Variants in ZNF502 observed in about 807,000 individuals in gnomAD.
ZNF502 encodes the protein zinc finger protein 502.
Under a neutral mutation model 43.6 loss-of-function variants are expected in ZNF502, and 29 were observed. The observed-to-expected ratio is 0.67, with a 90% CI of 0.50 to 0.91. The LOEUF (loss-of-function observed/expected upper bound fraction) is 0.91, where lower values mean the gene tolerates loss of function less well. Ranked by LOEUF, ZNF502 falls within the 40% of genes least tolerant of loss-of-function variation. The probability of loss-of-function intolerance (pLI) is 0.00; values close to 1 mark genes in which losing one functional copy is unlikely to be tolerated. For synonymous variants in ZNF502, 171 were observed against 207.4 expected (o/e 0.82, Z 1.51); for missense variants, 591 against 647.2 (o/e 0.91, Z 0.94).
At chr3:44,718,830 C>A (rs1015046112) in intron 1 of ZNF502, among the ~76,000 whole-genome samples, 7 of 152,102 alleles carry the variant, frequency 4.6e-5, no homozygotes, top group Non-Finnish European at 8.8e-5. Flanking sequence ...CTTTTTCCAG[C>A]GTCTAGCACT....
rs1704312063 is a variant in ZNF502, at chr3:44,721,131, A to G, written c.314A>G (p.Glu105Gly). 1 of 1,614,202 alleles carries G rather than the reference A, an allele frequency of 6.2e-7. No homozygotes were observed. Among genetic ancestry groups the G allele is most frequent in the South Asian group, 1.1e-5 (1 of 91,086 alleles). Residue 105 changes from glutamate (E) to glycine (G), a missense_variant, in exon 3 of 3, where the codon GAG (glutamate) becomes GGG (glycine). Glu to Gly is a moderately conservative substitution (Grantham distance 98). Coordinates refer to ENST00000436624, the MANE Select transcript of ZNF502 (RefSeq NM_001134442.3). ...ATTATTAGTCAAGGATATAATTTTG[A>G]GAAAAGCTTGCTTTTGACCTCAAGC... The part of the protein sequence containing the change: ...PEIISQGYNF[E>G]KSLLLTSSLV...
Position 44,720,194 on chromosome 3 carries a change from C to T in ZNF502, c.-59-9C>T, listed in dbSNP as rs374708733. ...CCTCCCTCCCTGCACCTTTTCTCCC[C>T]ATGAGCAGGGTTCCCAGTTTTCCAG... On this transcript the variant is annotated splice_polypyrimidine_tract_variant and intron_variant, in intron 1 of 2. Transcript: ENST00000436624. 1 of 1,562,938 alleles carries T rather than the reference C, an allele frequency of 6.4e-7. No homozygotes were observed. Among genetic ancestry groups the T allele is most frequent in the East Asian group, 2.2e-5 (1 of 44,564 alleles).
At chr3:44,713,292 T>C (rs143767189) in intron 1 of ZNF502, among the ~76,000 whole-genome samples, 2,154 of 152,312 alleles carry the variant, frequency 0.014, 24 homozygotes, top group Admixed American at 0.023. Context: ...TGATAGCATG[T>C]ATGCAAACCT....
At chr3:44,718,975 CTTT>C (rs55847151) in intron 1 of ZNF502, among the ~76,000 whole-genome samples, 23 of 136,910 alleles carry the variant, frequency 1.7e-4, no homozygotes, top group Admixed American at 2.9e-4. Flanking sequence ...GGATCATCTT[CTTT>C]TTTTTTTTTT....
intron 1 of ZNF502, among the ~76,000 whole-genome samples, chr3:44,713,266 G>T (rs940917886): frequency 6.6e-6 from 1 of 152,198 alleles, no homozygotes; most frequent in Non-Finnish European, 1.5e-5. Context: ...ACAAAGCTCA[G>T]TTGACAGCTT....
chr3:44,721,612 A>G lies in ZNF502; in HGVS notation c.795A>G (p.Lys265=). 1 of 1,614,084 alleles carries G rather than the reference A, an allele frequency of 6.2e-7. No homozygotes were observed. Among genetic ancestry groups the G allele is most frequent in the Non-Finnish European group, 8.5e-7 (1 of 1,179,996 alleles). Residue 265 remains lysine, a synonymous_variant, in exon 3 of 3, where the codon AAA becomes AAG. Transcript: ENST00000436624. The part of the protein sequence containing the change: ...TEHQRIHTGE[K]PYKCNRCGKA... ...ACCAGAGAATTCACACTGGAGAGAA[A>G]CCTTATAAATGCAATAGGTGTGGGA...
rs1362062443 is a variant in ZNF502 at position 44,722,285 on chromosome 3, C to T, written c.1468C>T (p.Leu490Phe). ...EHHRTHTGEKLYKCSECEKTF... is the reference protein window; with the variant it reads ...EHHRTHTGEKFYKCSECEKTF... Reference sequence around the variant, plus strand: ...TCATAGAACTCACACTGGTGAGAAGCTCTATAAATGTAGTGAGTGTGAGAA... The same window carrying T: ...TCATAGAACTCACACTGGTGAGAAGTTCTATAAATGTAGTGAGTGTGAGAA... The change falls in exon 3 of 3, where the codon CTC (leucine) becomes TTC (phenylalanine). Residue 490 changes from leucine to phenylalanine, a missense_variant. Coordinates refer to ENST00000436624, the MANE Select transcript of ZNF502 (RefSeq NM_001134442.3). The T allele has an allele frequency of 6.2e-7, 1 of 1,614,206 alleles. No homozygotes were observed. The highest frequency in any genetic ancestry group is 1.1e-5 in the South Asian group (1 of 91,088).
rs80107322 is a variant in ZNF502 at position 44,721,367 on chromosome 3, A to G, written c.550A>G (p.Thr184Ala). The G allele has an allele frequency of 0.011, 18,545 of 1,614,108 alleles. 332 individuals carry two copies. Among genetic ancestry groups the G allele is most frequent in the African/African-American group, 0.076 (5,673 of 75,034 alleles). ...AACTCATACTGGAGAGAGACCCTAC[A>G]CATGTGAGGAATGTGGGAAAGCCTT... Reference protein sequence around the residue: ...QRTHTGERPYTCEECGKAFSR... With the variant: ...QRTHTGERPYACEECGKAFSR... The change falls in exon 3 of 3, where the codon ACA (threonine) becomes GCA (alanine). Residue 184 changes from threonine (T) to alanine (A), a missense_variant. Thr to Ala is a moderately conservative substitution (Grantham distance 58). Transcript: ENST00000436624.
At chr3:44,714,806 A>G (rs1704102827) in intron 1 of ZNF502, 1 of 152,206 alleles carries the variant, frequency 6.6e-6, no homozygotes, top group African/African-American at 2.4e-5. Flanking sequence ...AGATTATCAG[A>G]GCTGGAATGA....
rs1435422297 is a variant in ZNF502 at position 44,721,241 on chromosome 3, CA to C, written c.427del (p.Ser143ValfsTer66). ...SNIQTNDISD[Q>X]SKCPTLCTQK... is the part of the protein sequence containing the mutation. ...TATACAAACCAATGATATTTCAGAC[CA>C]AAGTAAATGTCCAACTCTCTGCACA... On this transcript the variant is annotated frameshift_variant, in exon 3 of 3. Coordinates refer to ENST00000436624, the MANE Select transcript of ZNF502 (RefSeq NM_001134442.3). LOFTEE classifies it high-confidence loss of function. 6.2e-7 allele frequency: 1 copy of C among 1,614,030 alleles called. No homozygotes were observed. The highest frequency in any genetic ancestry group is 1.1e-5 in the South Asian group (1 of 91,070).
In ZNF502 at chr3:44,718,899, A is replaced by G. The variant is rs528466523; in HGVS notation, c.-59-1304A>G. ...AGTCTCTGAGTCTCTGTAGGATTGT[A>G]TAGTAGCTTACAGGTTCCTTTATGT... is the stretch of plus-strand genomic sequence containing the variant. On this transcript the variant is annotated intron_variant, in intron 1 of 2. Coordinates refer to ENST00000436624, the MANE Select transcript of ZNF502 (RefSeq NM_001134442.3). 6.6e-5 allele frequency among the ~76,000 whole-genome samples: 10 copies of G among 151,998 alleles called. No individual in the cohort carries two copies. In the South Asian group the frequency reaches 1.7e-3, roughly 25 times the overall value.
Position 44,721,974 on chromosome 3 carries a change from A to G in ZNF502, c.1157A>G (p.Lys386Arg). 1.2e-6 allele frequency: 2 copies of G among 1,614,206 alleles called. No homozygotes were observed. Among genetic ancestry groups the G allele is most frequent in the South Asian group, 1.1e-5 (1 of 91,080 alleles). The stretch of plus-strand genomic sequence containing the variant: ...CCATATAAGTGTAAAGAATGTGGCA[A>G]AGCGTTTACTCAGAGCACCCCACTC... The part of the protein sequence containing the change: ...EKPYKCKECG[K>R]AFTQSTPLTK... The change falls in exon 3 of 3, where the codon AAA (lysine) becomes AGA (arginine). Residue 386 changes from lysine to arginine, a missense_variant. Physicochemically the swap from Lys to Arg is conservative, Grantham distance 26 (BLOSUM62 2). Coordinates refer to ENST00000436624, the MANE Select transcript of ZNF502 (RefSeq NM_001134442.3).
At chr3:44,718,879 C>CT (rs1363182960) in intron 1 of ZNF502, among the ~76,000 whole-genome samples, 1 of 152,008 alleles carries the variant, frequency 6.6e-6, no homozygotes, top group Non-Finnish European at 1.5e-5. Flanking sequence ...GCATGAGTCT[C>CT]TGAGTCTCTG....
At position 44,721,830 on chromosome 3, in the gene ZNF502, T is replaced by G. The variant is rs757861966; in HGVS notation, c.1013T>G (p.Leu338Arg). The G allele has an allele frequency of 6.2e-7, 1 of 1,614,118 alleles. No individual in the cohort carries two copies. The highest frequency in any genetic ancestry group is 1.7e-5 in the Admixed American group (1 of 60,014). ...AAAACTTTCCAAACAAAGGCAAACC[T>G]CTCTCAGCATCAGAGAATTCATAGT... The part of the protein sequence containing the change: ...CGKTFQTKAN[L>R]SQHQRIHSGE... The change falls in exon 3 of 3, where the codon CTC becomes CGC. Residue 338 changes from leucine (L) to arginine (R), a missense_variant. By Grantham distance (102) the Leu-to-Arg change is moderately radical (BLOSUM62 -2). Coordinates refer to ENST00000436624, the MANE Select transcript of ZNF502 (RefSeq NM_001134442.3).
chr3:44,720,965 T>C lies in ZNF502; in HGVS notation c.148T>C (p.Tyr50His). 1 of 1,614,152 alleles carries C rather than the reference T, an allele frequency of 6.2e-7. No homozygotes were observed. The highest frequency in any genetic ancestry group is 1.1e-5 in the South Asian group (1 of 91,078). ...IVVKRFQEDE[Y>H]QDSTFEEKYA... ...AGTAAAGAGGTTCCAAGAGGATGAA[T>C]ACCAAGATTCTACATTTGAAGAAAA... The change falls in exon 3 of 3, where the codon TAC becomes CAC. Residue 50 changes from tyrosine (Y) to histidine (H), a missense_variant. Transcript: ENST00000436624.
At chr3:44,715,151 T>C (rs537632007) in intron 1 of ZNF502, among the ~76,000 whole-genome samples, 1 of 152,332 alleles carries the variant, frequency 6.6e-6, no homozygotes, top group African/African-American at 2.4e-5. Context: ...GTTTTCTTTA[T>C]GTCTTTTTTA....
At chr3:44,717,471 A>G (rs563868965) in intron 1 of ZNF502, among the ~76,000 whole-genome samples, 1 of 138,522 alleles carries the variant, frequency 7.2e-6, no homozygotes, top group South Asian at 2.2e-4. Context: ...GAGTGCAATG[A>G]CACGATCCAT....
Position 44,721,665 on chromosome 3 carries a change from T to C in ZNF502, c.848T>C (p.Ile283Thr), listed in dbSNP as rs1414682697. Residue 283 changes from isoleucine to threonine, a missense_variant, in exon 3 of 3, where the codon ATT (isoleucine) becomes ACT (threonine). Transcript: ENST00000436624. The part of the protein sequence containing the change: ...GKAFNQNTHL[I>T]HHQRIHTGEK... ...GCATTCAATCAGAATACACACCTTA[T>C]TCATCATCAGAGAATTCACACTGGT... 1.9e-6 allele frequency: 3 copies of C among 1,614,070 alleles called. No individual in the cohort carries two copies. The highest frequency in any genetic ancestry group is 1.7e-5 in the Admixed American group (1 of 60,026).
At chr3:44,714,801 A>G (rs928560417) in intron 1 of ZNF502, 1 of 152,234 alleles carries the variant, frequency 6.6e-6, no homozygotes, top group Non-Finnish European at 1.5e-5. Context: ...TTCACAGATT[A>G]TCAGAGCTGG....
Sources: allele counts gnomAD v4.1 joint callset (sites outside exome capture counted in the v4.1 genomes callset), GRCh38; gene constraint gnomAD v4.1.1; transcripts MANE v1.5; gene names NCBI Gene and HGNC (gene_info 2026-07-23, HGNC 2026-07-21).